The following CUEDC1 variants were observed in gnomAD, a reference collection of about 807,000 sequenced individuals.
The protein encoded by CUEDC1 is CUE domain-containing protein 1.
A neutral mutation model predicts 43.7 loss-of-function variants in CUEDC1; 30 were observed. The observed-to-expected ratio is 0.69, with a 90% CI of 0.51 to 0.93. The LOEUF is 0.93. Ranked by LOEUF, CUEDC1 falls within the 40% of genes least tolerant of loss-of-function variation. CUEDC1 has a pLI of 0.00. For synonymous variants in CUEDC1, 223 were observed against 223.6 expected (o/e 1.00, Z 0.02); for missense variants, 486 against 549.0 (o/e 0.89, Z 1.15).
chr17:57,927,083 T>C (rs542778837), intron 1 of CUEDC1, among the ~76,000 whole-genome samples: 14 of 152,192 alleles, frequency 9.2e-5, no homozygotes, highest in Non-Finnish European at 1.9e-4. Flanking sequence ...TGTGTGTTAA[T>C]GTAATTAAGG....
At chr17:57,940,344 CTCCTT>C (rs2074906110) in intron 1 of CUEDC1, among the ~76,000 whole-genome samples, 1 of 152,182 alleles carries the variant, frequency 6.6e-6, no homozygotes, top group African/African-American at 2.4e-5. Flanking sequence ...TCAAAATCCT[CTCCTT>C]TAGATCGGCA....
intron 1 of CUEDC1, among the ~76,000 whole-genome samples, chr17:57,907,899 C>T (rs1301013168): frequency 6.6e-6 from 1 of 151,004 alleles, no homozygotes; most frequent in African/African-American, 2.4e-5. Context: ...GCTGCCAGTG[C>T]ACCCCACCCC....
chr17:57,925,714 C>G (rs912565496), intron 1 of CUEDC1, among the ~76,000 whole-genome samples: 1 of 152,166 alleles, frequency 6.6e-6, no homozygotes, highest in African/African-American at 2.4e-5. Flanking sequence ...CCTGGGAATG[C>G]CTGCCTGAAT....
At chr17:57,870,547 C>G (rs141041492) in intron 6 of CUEDC1, among the ~76,000 whole-genome samples, 223 of 152,282 alleles carry the variant, frequency 1.5e-3, no homozygotes, top group Admixed American at 5.1e-3. Flanking sequence ...TCAGTAAGTC[C>G]TCAGCTTTGC....
rs371476042 is a variant in CUEDC1 at position 57,866,693 on chromosome 17, G to T, written c.1094-149C>A. The T allele has an allele frequency of 1.6e-5, 11 of 681,644 alleles. No homozygotes were observed. The East Asian group carries it at 3.0e-4, about 19-fold the overall frequency. The allele number at this position is 681,644 out of a possible 1,614,324, so 42.2% of individuals were successfully genotyped here. On this transcript the variant is annotated intron_variant, in intron 9 of 10. Transcript: ENST00000577830. Reference sequence around the variant, plus strand: ...ATCCCCCCAGGTAGACGATGCATGGGTCCAGGGAGAGAGGCAGCAGGACAC... The same window carrying T: ...ATCCCCCCAGGTAGACGATGCATGGTTCCAGGGAGAGAGGCAGCAGGACAC...
chr17:57,926,188 G>C (rs954767998), intron 1 of CUEDC1, among the ~76,000 whole-genome samples: 9 of 152,190 alleles, frequency 5.9e-5, no homozygotes, highest in Non-Finnish European at 1.0e-4. Flanking sequence ...GGTGAGAAAT[G>C]CCAGTTCTCC....
chr17:57,936,790 A>G, intron 1 of CUEDC1, among the ~76,000 whole-genome samples: 1 of 107,474 alleles, frequency 9.3e-6, no homozygotes, highest in Middle Eastern at 3.8e-3. Context: ...CCCCCAGCCC[A>G]TCCCGCCCCC....
Position 57,868,160 on chromosome 17 carries a change from TCAA to T in CUEDC1, c.1021_1023del (p.Leu341del), listed in dbSNP as rs1342462010. ...GGCTGGAAAGGATACGACTGATGCTTCAACAAGTGTTTCCTCTTTGACTTCCTC... is the reference window on the plus strand; with the variant it reads ...GGCTGGAAAGGATACGACTGATGCTTCAAGTGTTTCCTCTTTGACTTCCTC... On this transcript the variant is annotated inframe_deletion, in exon 8 of 11. Coordinates refer to ENST00000577830, the MANE Select transcript of CUEDC1 (RefSeq NM_001271875.2). The T allele has an allele frequency of 1.2e-6, 2 of 1,613,902 alleles. No homozygotes were observed. Among genetic ancestry groups the T allele is most frequent in the African/African-American group, 2.7e-5 (2 of 75,038 alleles).
chr17:57,900,706 C>T (rs749340730), intron 1 of CUEDC1, among the ~76,000 whole-genome samples: 96 of 152,312 alleles, frequency 6.3e-4, no homozygotes, highest in African/African-American at 2.1e-3. Context: ...TCCAGGACTG[C>T]GCCACATTGA....
At chr17:57,867,442 C>T in intron 8 of CUEDC1, 27 bp from the exon 9 acceptor site, 1 of 1,550,058 alleles carries the variant, frequency 6.5e-7, no homozygotes, top group Non-Finnish European at 8.7e-7. Flanking sequence ...GAAAACCGTC[C>T]CAGGGATGAG....
chr17:57,936,341 T>C (rs1447847542), intron 1 of CUEDC1, among the ~76,000 whole-genome samples: 1 of 152,216 alleles, frequency 6.6e-6, no homozygotes, highest in Non-Finnish European at 1.5e-5. Flanking sequence ...AGGCTCTAAA[T>C]AATTCAGCCC....
At chr17:57,952,541 T>C (rs1428439205) in intron 1 of CUEDC1, among the ~76,000 whole-genome samples, 1 of 152,194 alleles carries the variant, frequency 6.6e-6, no homozygotes, top group Non-Finnish European at 1.5e-5. Flanking sequence ...ATGCCCTTTA[T>C]AGCTCTTGCT....
intron 3 of CUEDC1, among the ~76,000 whole-genome samples, chr17:57,876,313 C>T (rs992330308): frequency 6.6e-6 from 1 of 152,178 alleles, no homozygotes; most frequent in Non-Finnish European, 1.5e-5. Flanking sequence ...AGCCCTCTTT[C>T]CTGCCTCCAG....
chr17:57,887,630 T>C (rs1450504603), intron 1 of CUEDC1, among the ~76,000 whole-genome samples: 2 of 143,378 alleles, frequency 1.4e-5, no homozygotes, highest in Non-Finnish European at 3.0e-5. Flanking sequence ...TAGCTGGGAC[T>C]ACAGGTACAC....
At chr17:57,918,004 T>C (rs1193864456) in intron 1 of CUEDC1, among the ~76,000 whole-genome samples, 2 of 150,872 alleles carry the variant, frequency 1.3e-5, no homozygotes, top group Admixed American at 6.6e-5. Context: ...ATCGTTAGAG[T>C]GTGAGCCCCT....
At chr17:57,947,586 C>T (rs1046621086) in intron 1 of CUEDC1, among the ~76,000 whole-genome samples, 4 of 152,088 alleles carry the variant, frequency 2.6e-5, no homozygotes, top group Admixed American at 6.5e-5. Context: ...ATCTCTTGAG[C>T]TCAGGAGTTC....
chr17:57,947,287 A>C (rs2074968325), intron 1 of CUEDC1, among the ~76,000 whole-genome samples: 1 of 152,062 alleles, frequency 6.6e-6, no homozygotes, highest in South Asian at 2.1e-4. Context: ...TATTTGCACA[A>C]GTCTATTTCA....
intron 1 of CUEDC1, among the ~76,000 whole-genome samples, chr17:57,948,642 G>T (rs147240326): frequency 1.3e-5 from 2 of 152,182 alleles, no homozygotes; most frequent in Non-Finnish European, 2.9e-5. Flanking sequence ...CCTGTCTCCA[G>T]ATGAAACCTC....
intron 3 of CUEDC1, among the ~76,000 whole-genome samples, chr17:57,875,415 A>G (rs73992333): frequency 2.0e-5 from 3 of 152,110 alleles, no homozygotes; most frequent in East Asian, 1.9e-4. Flanking sequence ...CCTTGCTGCT[A>G]GGCCTGTGGT....
Sources: gnomAD v4.1 joint callset for allele counts (sites outside exome capture counted in the v4.1 genomes callset) on GRCh38, gnomAD v4.1.1 for gene constraint, MANE v1.5 for transcripts, NCBI Gene and HGNC (gene_info 2026-07-23, HGNC 2026-07-21) for gene names.